ASTN1: variants seen among roughly 807,000 people sequenced by gnomAD.
ASTN1 encodes the protein astrotactin-1.
Under a neutral mutation model 140.7 loss-of-function variants are expected in ASTN1, and 41 were observed. That is an observed-to-expected ratio of 0.29 (90% CI 0.23 to 0.38). The LOEUF (loss-of-function observed/expected upper bound fraction) is 0.38. ASTN1 is among the 10% of genes least tolerant of loss of function. ASTN1 has a pLI of 1.00. For missense variants in ASTN1, 1,479 were observed against 1,678.8 expected (o/e 0.88, Z 2.08); for synonymous variants, 640 against 652.2 (o/e 0.98, Z 0.29).
chr1:176,958,906 C>T (rs1347691559), intron 9 of ASTN1, among the ~76,000 whole-genome samples: 2 of 152,070 alleles, frequency 1.3e-5, no homozygotes, highest in Admixed American at 1.3e-4. Flanking sequence ...CTGGAGGAAC[C>T]CTAACAAAGA....
chr1:177,132,678 C>A (rs143436148), intron 1 of ASTN1, among the ~76,000 whole-genome samples: 49 of 152,240 alleles, frequency 3.2e-4, no homozygotes, highest in African/African-American at 1.1e-3. Flanking sequence ...AAGGCCCTGA[C>A]AGAAAAAACA....
intron 1 of ASTN1, among the ~76,000 whole-genome samples, chr1:177,105,339 T>C (rs570707145): frequency 6.6e-6 from 1 of 152,170 alleles, no homozygotes; most frequent in South Asian, 2.1e-4. Context: ...TCACTCCCCA[T>C]GGAGAACTTT....
intron 2 of ASTN1, among the ~76,000 whole-genome samples, chr1:177,046,012 A>T (rs752232511): frequency 6.6e-6 from 1 of 152,208 alleles, no homozygotes; most frequent in Non-Finnish European, 1.5e-5. Flanking sequence ...CAGAGTGACT[A>T]CAGGTAGGAT....
At chr1:177,037,059 A>G (rs1222127198) in intron 2 of ASTN1, among the ~76,000 whole-genome samples, 2 of 152,174 alleles carry the variant, frequency 1.3e-5, no homozygotes, top group African/African-American at 4.8e-5. Flanking sequence ...GCTTCAAATA[A>G]TCCACTTGCC....
At chr1:177,002,697 T>C (rs188296182) in intron 8 of ASTN1, among the ~76,000 whole-genome samples, 1 of 152,356 alleles carries the variant, frequency 6.6e-6, no homozygotes, top group Admixed American at 6.5e-5. Flanking sequence ...AAAATGATTA[T>C]AGTATGAGTG....
At chr1:177,100,858 C>G (rs566468669) in intron 1 of ASTN1, among the ~76,000 whole-genome samples, 1 of 152,154 alleles carries the variant, frequency 6.6e-6, no homozygotes, top group Non-Finnish European at 1.5e-5. Context: ...TTTGGGAGGC[C>G]GAAGTGGGCA....
At chr1:176,956,186 T>C (rs1672392481) in intron 11 of ASTN1, among the ~76,000 whole-genome samples, 1 of 152,162 alleles carries the variant, frequency 6.6e-6, no homozygotes, top group Non-Finnish European at 1.5e-5. Flanking sequence ...CAGACCTTCC[T>C]GTTCTTCTTT....
rs530930218 is a variant in ASTN1 at position 177,032,449 on chromosome 1, T to A, written c.865+7A>T. On this transcript the variant is annotated splice_region_variant and intron_variant, in intron 3 of 22. Transcript: ENST00000361833. ...CAAACAGCCCCTTGCCTTTCTCCCATCCCCACCTGGTGTGAGGTCCATCCC... is the reference window on the plus strand; with the variant it reads ...CAAACAGCCCCTTGCCTTTCTCCCAACCCCACCTGGTGTGAGGTCCATCCC... The A allele has an allele frequency of 5.1e-5, 82 of 1,611,168 alleles. No individual in the cohort carries two copies. In the South Asian group the frequency reaches 7.8e-4, roughly 15 times the overall value.
rs144636041 is a variant in ASTN1, at chr1:177,099,070, A to G, written c.284-37805T>C. 9.6e-3 allele frequency among the ~76,000 whole-genome samples: 1,468 copies of G among 152,304 alleles called. 23 individuals are homozygous for G. The highest frequency in any genetic ancestry group is 0.033 in the African/African-American group (1,388 of 41,562). On this transcript the variant is annotated intron_variant, in intron 1 of 22. Transcript: ENST00000361833. ...CCATTTTTTTCTATGAATAATACAT[A>G]TACTACTAGGGAAGAATATACATTC...
intron 20 of ASTN1, among the ~76,000 whole-genome samples, chr1:176,880,231 G>T (rs976374853): frequency 1.3e-5 from 2 of 152,166 alleles, no homozygotes; most frequent in Admixed American, 6.5e-5. Flanking sequence ...GAACAGCTCT[G>T]CTTCCAAAGG....
At chr1:176,943,280 CTG>C (rs2103106645) in intron 14 of ASTN1, among the ~76,000 whole-genome samples, 1 of 152,154 alleles carries the variant, frequency 6.6e-6, no homozygotes, top group South Asian at 2.1e-4. Flanking sequence ...TCTAATTAAT[CTG>C]TGTGTTTGTT....
intron 18 of ASTN1, among the ~76,000 whole-genome samples, chr1:176,884,692 A>G (rs527838808): frequency 4.1e-4 from 62 of 152,236 alleles, no homozygotes; most frequent in Non-Finnish European, 7.3e-4. Context: ...AATGCCTGTT[A>G]CATATTATAA....
At chr1:176,966,321 G>A (rs889454766) in intron 8 of ASTN1, among the ~76,000 whole-genome samples, 1 of 152,158 alleles carries the variant, frequency 6.6e-6, no homozygotes, top group Non-Finnish European at 1.5e-5. Context: ...ATAAATGTAT[G>A]GCAGTTGTTC....
chr1:177,094,630 C>T (rs191551585), intron 1 of ASTN1, among the ~76,000 whole-genome samples: 2 of 152,292 alleles, frequency 1.3e-5, no homozygotes, highest in African/African-American at 4.8e-5. Flanking sequence ...ATAAGCCACC[C>T]ATTGTATGGC....
At chr1:177,031,024 C>T in intron 3 of ASTN1, 72 bp from the exon 4 acceptor site, 1 of 1,496,578 alleles carries the variant, frequency 6.7e-7, no homozygotes, top group Non-Finnish European at 9.1e-7. Flanking sequence ...AGGAAATCTG[C>T]ATAAACCAAG....
At chr1:176,928,037 A>G (rs912180392) in intron 16 of ASTN1, among the ~76,000 whole-genome samples, 5 of 151,344 alleles carry the variant, frequency 3.3e-5, no homozygotes, top group African/African-American at 1.2e-4. Context: ...TGTGTATATT[A>G]TATATATGCA....
At chr1:177,036,138 C>A (rs1004979553) in intron 2 of ASTN1, among the ~76,000 whole-genome samples, 11 of 149,638 alleles carry the variant, frequency 7.4e-5, no homozygotes, top group Admixed American at 5.4e-4. Flanking sequence ...GCAACCTCCA[C>A]CTCCCAGGTT....
chr1:176,989,794 A>T (rs180763262), intron 8 of ASTN1, among the ~76,000 whole-genome samples: 12 of 152,266 alleles, frequency 7.9e-5, no homozygotes, highest in African/African-American at 2.4e-4. Flanking sequence ...ACATTTCATA[A>T]TGTTGAGCTT....
chr1:177,020,257 G>A (rs893747164), intron 7 of ASTN1, among the ~76,000 whole-genome samples: 5 of 152,124 alleles, frequency 3.3e-5, no homozygotes, highest in African/African-American at 1.2e-4. Context: ...CAAAGAAAGT[G>A]GTTTAAAACA....
Sources: gnomAD v4.1 joint callset for allele counts (sites outside exome capture counted in the v4.1 genomes callset) on GRCh38, gnomAD v4.1.1 for gene constraint, MANE v1.5 for transcripts, NCBI Gene and HGNC (gene_info 2026-07-23, HGNC 2026-07-21) for gene names.